Variants in TBC1D19 observed in about 807,000 individuals in gnomAD.
The protein encoded by TBC1D19 is TBC1 domain family member 19.
A neutral mutation model predicts 89.0 loss-of-function variants in TBC1D19; 60 were observed. That is an observed-to-expected ratio of 0.67 (90% CI 0.55 to 0.84). The LOEUF (loss-of-function observed/expected upper bound fraction) is 0.84, where lower values mean the gene tolerates loss of function less well. TBC1D19 is among the 40% of genes least tolerant of loss of function. The pLI, the probability that TBC1D19 is intolerant of heterozygous loss-of-function variation, is 0.00. For missense variants in TBC1D19, 500 were observed against 610.8 expected (o/e 0.82, Z 1.91); for synonymous variants, 189 against 199.7 (o/e 0.95, Z 0.45).
intron 9 of TBC1D19, among the ~76,000 whole-genome samples, chr4:26,668,324 T>C: frequency 6.6e-6 from 1 of 152,040 alleles, no homozygotes; most frequent in Non-Finnish European, 1.5e-5. Context: ...TCTCATAGTA[T>C]CTATGCTTTA....
At chr4:26,781,446 G>GC in the TBC1D19 span, among the ~76,000 whole-genome samples, 1 of 152,088 alleles carries the variant, frequency 6.6e-6, no homozygotes, top group African/African-American at 2.4e-5. Flanking sequence ...TGTGTGTCTG[G>GC]CCTATGTAGT....
chr4:26,594,882 A>G (rs761884063), intron 1 of TBC1D19, among the ~76,000 whole-genome samples: 1 of 152,222 alleles, frequency 6.6e-6, no homozygotes, highest in Non-Finnish European at 1.5e-5. Flanking sequence ...AAACAACAAC[A>G]ACGAAAACCT....
chr4:26,808,583 G>A, the TBC1D19 span, among the ~76,000 whole-genome samples: 3 of 152,030 alleles, frequency 2.0e-5, no homozygotes, highest in African/African-American at 7.2e-5. Context: ...AAAAAAATTA[G>A]CCAGGCGTGA....
chr4:26,747,225 G>A (rs1002689607), intron 18 of TBC1D19, among the ~76,000 whole-genome samples: 1 of 152,154 alleles, frequency 6.6e-6, no homozygotes, highest in African/African-American at 2.4e-5. Context: ...GGGTGGGGAT[G>A]TGTGGCACTA....
At chr4:26,646,118 G>A (rs1292251879) in intron 7 of TBC1D19, among the ~76,000 whole-genome samples, 8 of 112,994 alleles carry the variant, frequency 7.1e-5, no homozygotes, top group African/African-American at 1.4e-4. Context: ...GCGAGACTCC[G>A]TCTCAAAAAA....
chr4:26,761,722 C>G, the TBC1D19 span, among the ~76,000 whole-genome samples: 1 of 151,984 alleles, frequency 6.6e-6, no homozygotes, highest in Non-Finnish European at 1.5e-5. Flanking sequence ...CAATTGAATA[C>G]AGAAGTGTTG....
Position 26,753,808 on chromosome 4 carries a change from A to T in TBC1D19, c.1436-12A>T. On this transcript the variant is annotated splice_polypyrimidine_tract_variant and intron_variant, in intron 19 of 20. Coordinates refer to ENST00000264866, the MANE Select transcript of TBC1D19 (RefSeq NM_018317.4). ...TAGGCCAGCAGTTGAAGTAGTGTGC[A>T]TTCTTTTCCAGTGCTGGCAGCTGCC... 1 of 1,613,758 alleles carries T rather than the reference A, an allele frequency of 6.2e-7. No individual in the cohort carries two copies. Among genetic ancestry groups the T allele is most frequent in the Non-Finnish European group, 8.5e-7 (1 of 1,179,744 alleles).
At chr4:26,627,898 C>T (rs1044980500) in intron 4 of TBC1D19, among the ~76,000 whole-genome samples, 16 of 152,086 alleles carry the variant, frequency 1.1e-4, no homozygotes, top group African/African-American at 3.9e-4. Context: ...TAATTAGATC[C>T]CATTTGTCAA....
In TBC1D19 at chr4:26,703,340, T is replaced by C. The variant is rs563610800; in HGVS notation, c.955-14593T>C. ...AATTGTATGCATTGTAAATATTCTG[T>C]TTTCAGAAATTGAGTTCTGTTTTTT... On this transcript the variant is annotated intron_variant, in intron 13 of 20. Transcript: ENST00000264866. 2.6e-4 allele frequency among the ~76,000 whole-genome samples: 39 copies of C among 152,340 alleles called. No individual in the cohort carries two copies. In the South Asian group the frequency reaches 7.5e-3, roughly 29 times the overall value.
chr4:26,806,378 A>G, the TBC1D19 span, among the ~76,000 whole-genome samples: 1 of 152,168 alleles, frequency 6.6e-6, no homozygotes, highest in Non-Finnish European at 1.5e-5. Context: ...ACATACCTCT[A>G]GGGTTGCTAT....
intron 18 of TBC1D19, among the ~76,000 whole-genome samples, chr4:26,747,104 A>G (rs986960593): frequency 1.3e-5 from 2 of 152,238 alleles, no homozygotes; most frequent in African/African-American, 4.8e-5. Flanking sequence ...ACAGTTGGCT[A>G]TGGGTAACTG....
chr4:26,733,706 A>G (rs1405754539), intron 15 of TBC1D19, among the ~76,000 whole-genome samples: 1 of 152,234 alleles, frequency 6.6e-6, no homozygotes, highest in African/African-American at 2.4e-5. Context: ...CAGGAGAACT[A>G]GAGAATGCAT....
At chr4:26,805,506 C>T in the TBC1D19 span, among the ~76,000 whole-genome samples, 318 of 152,312 alleles carry the variant, frequency 2.1e-3, no homozygotes, top group African/African-American at 7.2e-3. Context: ...TGCCCCACCC[C>T]ATCCTTCCCA....
chr4:26,797,776 C>CAAAAAT, the TBC1D19 span, among the ~76,000 whole-genome samples: 3,303 of 152,156 alleles, frequency 0.022, 115 homozygotes, highest in African/African-American at 0.071. Flanking sequence ...ACAAAGTCAA[C>CAAAAAT]AAAAATAAAC....
At chr4:26,815,714 T>A in the TBC1D19 span, among the ~76,000 whole-genome samples, 1 of 152,242 alleles carries the variant, frequency 6.6e-6, no homozygotes, top group African/African-American at 2.4e-5. Context: ...AAGATTTTGG[T>A]CAGGCTAATT....
At chr4:26,647,275 G>A (rs1321951018) in intron 7 of TBC1D19, among the ~76,000 whole-genome samples, 2 of 152,198 alleles carry the variant, frequency 1.3e-5, no homozygotes, top group Non-Finnish European at 2.9e-5. Context: ...GTTAGTGAAG[G>A]TGATAAGCTG....
intron 1 of TBC1D19, among the ~76,000 whole-genome samples, chr4:26,597,383 A>G (rs917598870): frequency 3.9e-5 from 6 of 152,154 alleles, no homozygotes; most frequent in African/African-American, 1.2e-4. Context: ...TTATAGCTGC[A>G]TTAGGTTTCT....
chr4:26,699,771 C>T (rs1715151501), intron 13 of TBC1D19, among the ~76,000 whole-genome samples: 1 of 151,620 alleles, frequency 6.6e-6, no homozygotes, highest in African/African-American at 2.4e-5. Context: ...GAACAAAAAA[C>T]CAAACACCAC....
the TBC1D19 span, among the ~76,000 whole-genome samples, chr4:26,811,675 G>A: frequency 6.6e-6 from 1 of 152,236 alleles, no homozygotes; most frequent in South Asian, 2.1e-4. Flanking sequence ...GAGGGCTGCT[G>A]GTTGCCCATT....
Sources: gnomAD v4.1 joint callset for allele counts (sites outside exome capture counted in the v4.1 genomes callset) on GRCh38, gnomAD v4.1.1 for gene constraint, MANE v1.5 for transcripts, NCBI Gene and HGNC (gene_info 2026-07-23, HGNC 2026-07-21) for gene names.